Variants in SAXO1 observed in about 807,000 individuals in gnomAD.
SAXO1 encodes 4930500O09Rik.
SAXO1 carries 21 observed loss-of-function variants against 17.5 expected under a neutral mutation model. That is an observed-to-expected ratio of 1.20 (90% CI 0.85 to 1.72). The LOEUF (loss-of-function observed/expected upper bound fraction) is 1.72. Ranked by LOEUF, SAXO1 falls within the 40% of genes most tolerant of loss-of-function variation. SAXO1 has a pLI of 0.00. For synonymous variants in SAXO1, 274 were observed against 216.5 expected, an observed-to-expected ratio of 1.27 and a Z score of -2.33; for missense variants, 843 against 596.0, an observed-to-expected ratio of 1.41 and a Z score of -4.32.
At chr9:19,022,594 T>C (rs534393805) in intron 1 of SAXO1, among the ~76,000 whole-genome samples, 66 of 152,318 alleles carry the variant, frequency 4.3e-4, no homozygotes, top group Non-Finnish European at 7.9e-4. Flanking sequence ...TGGGGAAAGA[T>C]AGTGATTTTT....
intron 1 of SAXO1, among the ~76,000 whole-genome samples, chr9:19,022,715 G>A (rs980363881): frequency 4.6e-5 from 7 of 152,158 alleles, no homozygotes; most frequent in Non-Finnish European, 7.3e-5. Context: ...ACATTAGAAT[G>A]AAGGGCTTTT....
upstream of SAXO1, chr9:19,033,316 AGGTCGGGAAG>A (rs1835849127): frequency 1.1e-5 from 2 of 182,398 alleles, no homozygotes; most frequent in Non-Finnish European, 2.3e-5. Flanking sequence ...GCCGCTTGTG[AGGTCGGGAAG>A]CTCCCAGCAC....
At chr9:19,029,693 C>G (rs1056753460) in intron 1 of SAXO1, among the ~76,000 whole-genome samples, 1 of 152,118 alleles carries the variant, frequency 6.6e-6, no homozygotes, top group East Asian at 1.9e-4. Flanking sequence ...CTGCATGTGC[C>G]GGTATGGGAG....
chr9:18,964,620 T>C (rs1832639886), intron 1 of SAXO1, among the ~76,000 whole-genome samples: 1 of 152,258 alleles, frequency 6.6e-6, no homozygotes, highest in South Asian at 2.1e-4. Flanking sequence ...CTTTATCATT[T>C]TTGACTGTGT....
intron 1 of SAXO1, among the ~76,000 whole-genome samples, chr9:19,023,377 C>T (rs986153445): frequency 2.0e-5 from 3 of 152,082 alleles, no homozygotes; most frequent in South Asian, 2.1e-4. Flanking sequence ...TGTGGATGCA[C>T]GCATTGTTCT....
chr9:19,008,673 C>A (rs566911800), intron 1 of SAXO1, among the ~76,000 whole-genome samples: 1 of 152,272 alleles, frequency 6.6e-6, no homozygotes, highest in South Asian at 2.1e-4. Context: ...TTCTATAATA[C>A]TTCTGTGAGG....
At chr9:19,006,181 G>A (rs773006640) in intron 1 of SAXO1, among the ~76,000 whole-genome samples, 22 of 152,212 alleles carry the variant, frequency 1.4e-4, no homozygotes, top group Non-Finnish European at 2.9e-4. Flanking sequence ...GGGAATGTAA[G>A]ATGGCGTAGT....
At chr9:19,037,330 A>T (rs1438204459), upstream of SAXO1, among the ~76,000 whole-genome samples, 1 of 152,168 alleles carries the variant, frequency 6.6e-6, no homozygotes, top group Non-Finnish European at 1.5e-5. Context: ...ATGTGAGGAC[A>T]TGAGATTTGG....
chr9:19,001,627 T>C (rs144930021), intron 1 of SAXO1, among the ~76,000 whole-genome samples: 53 of 151,130 alleles, frequency 3.5e-4, no homozygotes, highest in African/African-American at 1.2e-3. Context: ...AGATCGCGCA[T>C]TGCACTCTAG....
Position 18,965,186 on chromosome 9 carries a change from A to C in SAXO1, c.39-14249T>G, listed in dbSNP as rs149826653. 1.0e-2 allele frequency among the ~76,000 whole-genome samples: 1,521 copies of C among 152,280 alleles called. 23 individuals carry two copies. Among genetic ancestry groups the C allele is most frequent in the African/African-American group, 0.031 (1,305 of 41,552 alleles). On this transcript the variant is annotated intron_variant, in intron 1 of 3. Transcript: ENST00000380534. Reference sequence around the variant, plus strand: ...GTGTTTTACTTCCAATTATGTGGTCAATTTTAGAATAAGTGTGATGTGGTG... The same window carrying C: ...GTGTTTTACTTCCAATTATGTGGTCCATTTTAGAATAAGTGTGATGTGGTG...
rs368199443 is a variant in SAXO1 at position 18,960,145 on chromosome 9, A to G, written c.39-9208T>C. On this transcript the variant is annotated intron_variant, in intron 1 of 3. Coordinates refer to ENST00000380534, the MANE Select transcript of SAXO1 (RefSeq NM_153707.4). ...CCCCTTGGCAATGAAAAGGAAAAAG[A>G]GTTTCTTCTGTGAAAAATATTTAGA... 2.7e-4 allele frequency among the ~76,000 whole-genome samples: 41 copies of G among 152,336 alleles called. 1 individual carries two copies. The South Asian group carries it at 6.2e-3, about 23-fold the overall frequency.
chr9:18,966,649 T>G (rs1396948766), intron 1 of SAXO1, among the ~76,000 whole-genome samples: 2 of 151,536 alleles, frequency 1.3e-5, no homozygotes, highest in Non-Finnish European at 2.9e-5. Context: ...TGTAACCTTT[T>G]ATCAAGGTTC....
chr9:18,990,038 G>A (rs890814698), intron 1 of SAXO1, among the ~76,000 whole-genome samples: 2 of 151,076 alleles, frequency 1.3e-5, no homozygotes, highest in Admixed American at 6.6e-5. Context: ...ATTTTGCAAA[G>A]GAGAGAGAAC....
In SAXO1 at chr9:18,950,908, T is replaced by C. The variant is rs772481983; in HGVS notation, c.68A>G (p.Lys23Arg). ...TGGTTTCTCTGTTTTATCATAAATC[T>C]TGGTAGGGAGATGTGGACAGTGATG... ...GRHHCPHLPT[K>R]IYDKTEKPCL... Residue 23 changes from lysine to arginine, a missense_variant, in exon 2 of 4, where the codon AAG (lysine) becomes AGG (arginine). Physicochemically the swap from Lys to Arg is conservative, Grantham distance 26 (BLOSUM62 2). Coordinates refer to ENST00000380534, the MANE Select transcript of SAXO1 (RefSeq NM_153707.4). 6.2e-7 allele frequency: 1 copy of C among 1,613,080 alleles called. No homozygotes were observed.
At chr9:19,006,106 T>C (rs1834472221) in intron 1 of SAXO1, among the ~76,000 whole-genome samples, 1 of 152,164 alleles carries the variant, frequency 6.6e-6, no homozygotes, top group African/African-American at 2.4e-5. Flanking sequence ...TGGTTATTAT[T>C]TTAAAAAAGA....
intron 1 of SAXO1, among the ~76,000 whole-genome samples, chr9:19,041,102 G>T (rs1329128050): frequency 3.6e-5 from 5 of 140,636 alleles, no homozygotes; most frequent in African/African-American, 1.4e-4. Context: ...AACATTGCAG[G>T]ATACAAAACC....
intron 1 of SAXO1, among the ~76,000 whole-genome samples, chr9:19,006,733 G>A (rs541423265): frequency 2.6e-5 from 4 of 152,292 alleles, no homozygotes; most frequent in Admixed American, 1.3e-4. Flanking sequence ...TGATATCACA[G>A]AATTGTACAT....
chr9:18,971,733 G>GT (rs1406825501), intron 1 of SAXO1, among the ~76,000 whole-genome samples: 1 of 151,966 alleles, frequency 6.6e-6, no homozygotes, highest in East Asian at 1.9e-4. Flanking sequence ...TTCACTAATG[G>GT]TTTTTTTCTC....
At chr9:19,027,256 G>C (rs1463243417) in intron 1 of SAXO1, 16 of 1,026,602 alleles carry the variant, frequency 1.6e-5, no homozygotes, top group Non-Finnish European at 2.2e-5. Context: ...CCTGTGATTG[G>C]ATTGGTGGAT....
Sources: allele counts gnomAD v4.1 joint callset (sites outside exome capture counted in the v4.1 genomes callset), GRCh38; gene constraint gnomAD v4.1.1; transcripts MANE v1.5; gene names NCBI Gene and HGNC (gene_info 2026-07-23, HGNC 2026-07-21).